Variants in GLIPR1L1 observed in about 807,000 individuals in gnomAD.
GLIPR1L1 encodes GLIPR1-like protein 1.
Under a neutral mutation model 29.9 loss-of-function variants are expected in GLIPR1L1, and 26 were observed. The observed-to-expected ratio is 0.87, with a 90% CI of 0.64 to 1.21. The LOEUF (loss-of-function observed/expected upper bound fraction) is 1.21. Among genes scored for constraint, GLIPR1L1 ranks in the 50% most tolerant of loss-of-function variants. GLIPR1L1 has a pLI of 0.00. For missense variants in GLIPR1L1, 305 were observed against 290.3 expected (o/e 1.05, Z -0.37); for synonymous variants, 77 against 97.5 (o/e 0.79, Z 1.24).
At chr12:75,356,333 T>G (rs551913393) in intron 3 of GLIPR1L1, among the ~76,000 whole-genome samples, 174 of 152,238 alleles carry the variant, frequency 1.1e-3, no homozygotes, top group Admixed American at 1.9e-3. Flanking sequence ...GATAAGTTTG[T>G]GGATAAATAT....
chr12:75,351,759 C>A (rs1256733338), intron 3 of GLIPR1L1, among the ~76,000 whole-genome samples: 1 of 152,144 alleles, frequency 6.6e-6, no homozygotes, highest in East Asian at 1.9e-4. Context: ...GTTGGCCAGC[C>A]TGGTCTCGAA....
intron 2 of GLIPR1L1, among the ~76,000 whole-genome samples, chr12:75,346,852 G>C (rs1384353457): frequency 6.6e-6 from 1 of 152,020 alleles, no homozygotes; most frequent in African/African-American, 2.4e-5. Context: ...TCAGAAATTT[G>C]TGTTGTTAAA....
chr12:75,366,725 G>A (rs2043989709), intron 4 of GLIPR1L1: 2 of 593,122 alleles, frequency 3.4e-6, no homozygotes, highest in Admixed American at 5.7e-5. Context: ...GCTGATTTTG[G>A]GTGAGACTGC....
At chr12:75,336,306 C>T (rs943446981) in intron 1 of GLIPR1L1, among the ~76,000 whole-genome samples, 1 of 151,674 alleles carries the variant, frequency 6.6e-6, no homozygotes, top group Non-Finnish European at 1.5e-5. Flanking sequence ...AAGAGGGAAT[C>T]ATTTAAAAAT....
intron 3 of GLIPR1L1, among the ~76,000 whole-genome samples, chr12:75,348,571 T>C (rs148207405): frequency 2.3e-3 from 344 of 152,250 alleles, no homozygotes; most frequent in African/African-American, 7.8e-3. Context: ...ATCACAAGAT[T>C]TGAAATGGAA....
intron 3 of GLIPR1L1, among the ~76,000 whole-genome samples, chr12:75,359,184 AT>A (rs1303796001): frequency 6.6e-6 from 1 of 150,784 alleles, no homozygotes; most frequent in African/African-American, 2.4e-5. Context: ...TTGAATGAAA[AT>A]AACATCATTT....
chr12:75,354,158 GA>G (rs1419900751), intron 3 of GLIPR1L1, among the ~76,000 whole-genome samples: 5 of 89,082 alleles, frequency 5.6e-5, no homozygotes, highest in South Asian at 9.2e-4. Flanking sequence ...TCAGGGAAGA[GA>G]AAAAAAAGGG....
At chr12:75,351,294 T>C (rs2042792300) in intron 3 of GLIPR1L1, among the ~76,000 whole-genome samples, 1 of 152,118 alleles carries the variant, frequency 6.6e-6, no homozygotes, top group Admixed American at 6.5e-5. Context: ...TTCCTCAACC[T>C]AGCAAGAAAG....
intron 1 of GLIPR1L1, among the ~76,000 whole-genome samples, chr12:75,336,175 T>C (rs1316212961): frequency 1.3e-5 from 2 of 151,934 alleles, no homozygotes; most frequent in Non-Finnish European, 2.9e-5. Context: ...TAAGAATGCA[T>C]ATTTTAATAT....
intron 1 of GLIPR1L1, among the ~76,000 whole-genome samples, chr12:75,341,122 G>C (rs1033498398): frequency 6.6e-6 from 1 of 151,360 alleles, no homozygotes; most frequent in Non-Finnish European, 1.5e-5. Context: ...TTTTTTCCTA[G>C]AAAAAGGAAA....
intron 1 of GLIPR1L1, among the ~76,000 whole-genome samples, chr12:75,338,462 G>C (rs2041880668): frequency 6.6e-6 from 1 of 151,964 alleles, no homozygotes; most frequent in South Asian, 2.1e-4. Context: ...TCTCAATAGA[G>C]TCATGAAAAC....
At chr12:75,360,053 T>G (rs1343006674) in intron 3 of GLIPR1L1, 2 of 152,134 alleles carry the variant, frequency 1.3e-5, no homozygotes, top group Non-Finnish European at 2.9e-5. Flanking sequence ...TCAGATCTCA[T>G]GAGAACTCAC....
Position 75,369,966 on chromosome 12 carries a change from C to T in GLIPR1L1, c.617C>T (p.Pro206Leu), listed in dbSNP as rs1472741362. Residue 206 changes from proline to leucine, a missense_variant, in exon 5 of 6, where the codon CCA becomes CTA. By Grantham distance (98) the Pro-to-Leu change is moderately conservative. Coordinates refer to ENST00000378695, the MANE Select transcript of GLIPR1L1 (RefSeq NM_001304964.2). ...EKCVKNLCRT[P>L]QLIIPNQNPF... ...ACTTTAATTTTTACTTTAGGGACTC[C>T]ACAACTTATTATACCTAACCGTATG... 1.8e-6 allele frequency: 2 copies of T among 1,090,960 alleles called. No individual in the cohort carries two copies. The highest frequency in any genetic ancestry group is 3.2e-5 in the African/African-American group (2 of 63,408). 67.6% of individuals were successfully genotyped at this position (1,090,960 alleles called of 1,614,324 possible).
chr12:75,351,376 C>T (rs1193914344), intron 3 of GLIPR1L1, among the ~76,000 whole-genome samples: 1 of 152,156 alleles, frequency 6.6e-6, no homozygotes, highest in Non-Finnish European at 1.5e-5. Flanking sequence ...CCCCAAGACA[C>T]ATAATCATCA....
At chr12:75,343,208 CTAA>C (rs1171395362) in intron 1 of GLIPR1L1, among the ~76,000 whole-genome samples, 3 of 151,890 alleles carry the variant, frequency 2.0e-5, no homozygotes, top group African/African-American at 7.2e-5. Context: ...TGTTTCATTC[CTAA>C]TCTTGAGGGA....
chr12:75,347,590 A>G lies in GLIPR1L1; in HGVS notation c.421-32A>G, dbSNP rs778618340. 3.6e-6 allele frequency: 5 copies of G among 1,403,528 alleles called. No homozygotes were observed. The East Asian group carries it at 6.9e-5, about 19-fold the overall frequency. The allele number at this position is 1,403,528 out of a possible 1,614,324, so 86.9% of individuals were successfully genotyped here. A position where few individuals can be genotyped will look rare whatever the true frequency, so the allele number is the denominator to read the frequency against. On this transcript the variant is annotated intron_variant, in intron 2 of 5. Transcript: ENST00000378695. ...CATTGTTTGCATAGAATTGTTTTCC[A>G]TATTTTATCTTGACATTCCTTTTCT...
At chr12:75,349,576 GTTA>G (rs1388464276) in intron 3 of GLIPR1L1, among the ~76,000 whole-genome samples, 3 of 152,076 alleles carry the variant, frequency 2.0e-5, no homozygotes, top group Admixed American at 1.3e-4. Context: ...CATTAAAATG[GTTA>G]TTATAACTGT....
At chr12:75,364,561 T>A (rs1054218704) in intron 4 of GLIPR1L1, among the ~76,000 whole-genome samples, 2 of 152,202 alleles carry the variant, frequency 1.3e-5, no homozygotes, top group Non-Finnish European at 2.9e-5. Context: ...AGGCATTCAT[T>A]AACTGTTAAA....
chr12:75,351,560 T>G (rs2042816280), intron 3 of GLIPR1L1, among the ~76,000 whole-genome samples: 1 of 151,784 alleles, frequency 6.6e-6, no homozygotes, highest in African/African-American at 2.4e-5. Context: ...GTTTTTTTTT[T>G]TTTTGAGATG....
Sources: allele counts gnomAD v4.1 joint callset (sites outside exome capture counted in the v4.1 genomes callset), GRCh38; gene constraint gnomAD v4.1.1; transcripts MANE v1.5; gene names NCBI Gene and HGNC (gene_info 2026-07-23, HGNC 2026-07-21).